FMNL1: variants seen among roughly 807,000 people sequenced by gnomAD.
FMNL1 encodes the protein formin like 1.
Under a neutral mutation model 121.3 loss-of-function variants are expected in FMNL1, and 43 were observed. The observed-to-expected ratio is 0.35, with a 90% CI of 0.28 to 0.46. FMNL1 has a LOEUF of 0.46. Among genes scored for constraint, FMNL1 ranks in the 20% least tolerant of loss-of-function variants. The probability of loss-of-function intolerance (pLI) is 1.00; values close to 1 mark genes in which losing one functional copy is unlikely to be tolerated. For missense variants in FMNL1, 1,191 were observed against 1,482.4 expected (o/e 0.80, Z 3.23); for synonymous variants, 613 against 613.5 (o/e 1.00, Z 0.01).
chr17:45,224,469 AC>A (rs1378041062), intron 1 of FMNL1, among the ~76,000 whole-genome samples: 9 of 152,076 alleles, frequency 5.9e-5, no homozygotes, highest in African/African-American at 2.2e-4. Context: ...GGAGGGGCCC[AC>A]CGCCATCAGT....
intron 11 of FMNL1, 162 bp downstream of exon 11, chr17:45,239,227 T>C: frequency 1.6e-6 from 1 of 623,224 alleles, no homozygotes; most frequent in Non-Finnish European, 2.9e-6. Flanking sequence ...TCTCTCTCAG[T>C]GTCAGTTTTG....
chr17:45,223,769 C>T (rs779633640), intron 1 of FMNL1, among the ~76,000 whole-genome samples: 6 of 152,236 alleles, frequency 3.9e-5, no homozygotes, highest in East Asian at 1.9e-4. Flanking sequence ...TCTGTCTTTC[C>T]GCCAAGTGTG....
chr17:45,239,735 C>G (rs1418384557), intron 11 of FMNL1, among the ~76,000 whole-genome samples: 2 of 151,924 alleles, frequency 1.3e-5, no homozygotes, highest in African/African-American at 2.4e-5. Context: ...CATGGTACAA[C>G]ATGGGTGAGC....
At chr17:45,227,641 C>T (rs1017396848) in intron 1 of FMNL1, among the ~76,000 whole-genome samples, 2 of 152,146 alleles carry the variant, frequency 1.3e-5, no homozygotes, top group Non-Finnish European at 2.9e-5. Context: ...CAAACTTCTG[C>T]TCACCCTACC....
In FMNL1 at chr17:45,242,091, G is replaced by T. The variant is rs1359782292; in HGVS notation, c.1830G>T (p.Pro610=). 9.9e-5 allele frequency: 146 copies of T among 1,471,314 alleles called. No homozygotes were observed. The highest frequency in any genetic ancestry group is 1.2e-4 in the Non-Finnish European group (132 of 1,111,728). The allele number at this position is 1,471,314 out of a possible 1,614,324, so 91.1% of individuals were successfully genotyped here. A position where few individuals can be genotyped will look rare whatever the true frequency, so the allele number is the denominator to read the frequency against. ...CTCCGCCGCCGCCGCCGCCGCCGCC[G>T]CCTCCCGGAGGTCCTCCTGATGCCC... ...PVPPPPPPPP[P]PPGGPPDALG... Residue 610 remains proline, a synonymous_variant, in exon 15 of 27, where the codon CCG becomes CCT. Transcript: ENST00000331495.
chr17:45,234,514 A>G, intron 6 of FMNL1: 1 of 362,620 alleles, frequency 2.8e-6, no homozygotes. Flanking sequence ...AAATACAAAA[A>G]TTAGCCGGGT....
At chr17:45,243,695 T>G in intron 17 of FMNL1, 96 bp from the exon 18 acceptor site, 1 of 1,196,190 alleles carries the variant, frequency 8.4e-7, no homozygotes, top group East Asian at 2.5e-5. Context: ...TAGAAAATAC[T>G]GAAATTCATT....
At position 45,243,820 on chromosome 17, in the gene FMNL1, T is replaced by G. The variant is rs781333055; in HGVS notation, c.2243T>G (p.Phe748Cys). The G allele has an allele frequency of 6.2e-7, 1 of 1,613,110 alleles. No homozygotes were observed. The highest frequency in any genetic ancestry group is 8.5e-7 in the Non-Finnish European group (1 of 1,179,390). ...AYDLQALGLD[F>C]LELLMRFLPT... ...GACCTGCAGGCTCTGGGCCTGGACT[T>G]CCTGGAGCTGCTGATGCGCTTCCTG... The change falls in exon 18 of 27, where the codon TTC becomes TGC. Residue 748 changes from phenylalanine (F) to cysteine (C), a missense_variant. Phe to Cys is a radical substitution (Grantham distance 205). Transcript: ENST00000331495.
Position 45,233,516 on chromosome 17 carries a change from C to A in FMNL1, c.402-132C>A. The A allele has an allele frequency of 8.9e-7, 1 of 1,123,556 alleles. No individual in the cohort carries two copies. Among genetic ancestry groups the A allele is most frequent in the Non-Finnish European group, 1.3e-6 (1 of 783,318 alleles). 69.6% of individuals were successfully genotyped at this position (1,123,556 alleles called of 1,614,324 possible). Reference sequence around the variant, plus strand: ...GGCTGTGGGACCCACCTGAGTCTCCCAGAATCCTTTGGTATCATTGGGTCT... The same window carrying A: ...GGCTGTGGGACCCACCTGAGTCTCCAAGAATCCTTTGGTATCATTGGGTCT... On this transcript the variant is annotated intron_variant, in intron 4 of 26. Transcript: ENST00000331495. The surrounding 1 kb of genome is among the most constrained non-coding windows in gnomAD (Gnocchi z 4.1).
intron 7 of FMNL1, among the ~76,000 whole-genome samples, chr17:45,236,902 A>G (rs2043562453): frequency 6.6e-6 from 1 of 152,244 alleles, no homozygotes; most frequent in Non-Finnish European, 1.5e-5. Context: ...ACCTGAGGTC[A>G]GGAGTTTGAG....
At position 45,222,142 on chromosome 17, in the gene FMNL1, C is replaced by T; in HGVS notation, c.18C>T (p.Gly6=). The change falls in exon 1 of 27, where the codon GGC becomes GGT. Residue 6 remains glycine, a synonymous_variant. Transcript: ENST00000331495. MGNAA[G]SAEQPAGPAA... ...GGACCACCATGGGCAACGCGGCCGG[C>T]AGCGCCGAGCAGCCCGCGGGCCCCG... is the stretch of plus-strand genomic sequence containing the variant. 1 of 1,184,670 alleles carries T rather than the reference C, an allele frequency of 8.4e-7. No individual in the cohort carries two copies. Among genetic ancestry groups the T allele is most frequent in the South Asian group, 3.7e-5 (1 of 26,692 alleles). The allele number at this position is 1,184,670 out of a possible 1,614,324, so 73.4% of individuals were successfully genotyped here. A position where few individuals can be genotyped will look rare whatever the true frequency, so the allele number is the denominator to read the frequency against.
chr17:45,238,857 C>T (rs1209952705), intron 10 of FMNL1, 98 bp from the exon 11 acceptor site: 2 of 1,155,860 alleles, frequency 1.7e-6, no homozygotes, highest in African/African-American at 3.0e-5. Flanking sequence ...GGAGTGAGAA[C>T]TGTGGAGAAG....
At position 45,247,116 on chromosome 17, in the gene FMNL1, CCA is replaced by C; in HGVS notation, c.*261_*262del. On this transcript the variant is annotated 3_prime_UTR_variant, in exon 27 of 27. Coordinates refer to ENST00000331495, the MANE Select transcript of FMNL1 (RefSeq NM_005892.4). ...ACGGGCTGGTGCATCCTCCTCTTGG[CCA>C]CAGAGGGCAGCATCGCCCGCCCCTT... 1.7e-6 allele frequency: 1 copy of C among 593,946 alleles called. No homozygotes were observed. The highest frequency in any genetic ancestry group is 2.8e-5 in the East Asian group (1 of 35,958). 36.8% of individuals were successfully genotyped at this position (593,946 alleles called of 1,614,324 possible). A position where few individuals can be genotyped will look rare whatever the true frequency, so the allele number is the denominator to read the frequency against.
chr17:45,241,864 G>C lies in FMNL1; in HGVS notation c.1603G>C (p.Glu535Gln), dbSNP rs1281404380. The change falls in exon 15 of 27, where the codon GAG becomes CAG. Residue 535 changes from glutamate to glutamine, a missense_variant. Around this residue, in one of 4 missense-constraint regions of FMNL1, gnomAD observed 519 missense variants for 492.8 expected, o/e 1.05. Transcript: ENST00000331495. This position sits in a 1 kb window ranked among gnomAD's most constrained non-coding sequence, Gnocchi z 7.0. ...TGGCTCAGATCTCGCACCTGCAGCA[G>C]AGCCGGCTCCCGGAGCAGCGCCACC... is the stretch of plus-strand genomic sequence containing the variant. Reference protein sequence around the residue: ...SPSPDLAPAAEPAPGAAPPPP... With the variant: ...SPSPDLAPAAQPAPGAAPPPP... 3.5e-6 allele frequency: 5 copies of C among 1,434,176 alleles called. No individual in the cohort carries two copies. Among genetic ancestry groups the C allele is most frequent in the Non-Finnish European group, 4.5e-6 (5 of 1,102,574 alleles). The allele number at this position is 1,434,176 out of a possible 1,614,324, so 88.8% of individuals were successfully genotyped here.
intron 1 of FMNL1, among the ~76,000 whole-genome samples, chr17:45,227,171 G>A (rs1239787648): frequency 6.6e-6 from 1 of 152,150 alleles, no homozygotes; most frequent in African/African-American, 2.4e-5. Context: ...CAAGTTCAGG[G>A]GTACCCTGGG....
rs2043436347 is a variant in FMNL1, at chr17:45,231,465, G to A, written c.213+778G>A. Reference sequence around the variant, plus strand: ...GGTAAGGGCTGGGAAGTGGGAAGAGGGTGGAGAGCTGCCCCTGGAGTCTCT... The same window carrying A: ...GGTAAGGGCTGGGAAGTGGGAAGAGAGTGGAGAGCTGCCCCTGGAGTCTCT... On this transcript the variant is annotated intron_variant, in intron 2 of 26. Coordinates refer to ENST00000331495, the MANE Select transcript of FMNL1 (RefSeq NM_005892.4). The surrounding 1 kb of genome is among the most constrained non-coding windows in gnomAD (Gnocchi z 4.7). 6.6e-6 allele frequency: 1 copy of A among 152,412 alleles called. No individual in the cohort carries two copies. The highest frequency in any genetic ancestry group is 1.5e-5 in the Non-Finnish European group (1 of 68,184). The allele number at this position is 152,412 out of a possible 1,614,324, so 9.4% of individuals were successfully genotyped here.
At chr17:45,227,094 G>C (rs2043344725) in intron 1 of FMNL1, among the ~76,000 whole-genome samples, 1 of 152,186 alleles carries the variant, frequency 6.6e-6, no homozygotes, top group East Asian at 1.9e-4. Flanking sequence ...TGGGGGACAG[G>C]CTCAGCTTCT....
Position 45,222,294 on chromosome 17 carries a change from C to T in FMNL1, c.129+41C>T, listed in dbSNP as rs7211840. The T allele has an allele frequency of 8.5e-5, 98 of 1,153,956 alleles. No homozygotes were observed. In the African/African-American group the frequency reaches 1.5e-3, roughly 18 times the overall value. The allele number at this position is 1,153,956 out of a possible 1,614,324, so 71.5% of individuals were successfully genotyped here. On this transcript the variant is annotated intron_variant, in intron 1 of 26. Coordinates refer to ENST00000331495, the MANE Select transcript of FMNL1 (RefSeq NM_005892.4). ...AGGCGGGTCGGGCGCGGGCGGGGGG[C>T]GGCAGGGGCGCGGCAGGGGCTGGGC...
rs550614169 is a variant in FMNL1, at chr17:45,230,623, C to G, written c.149C>G (p.Pro50Arg). The G allele has an allele frequency of 6.2e-7, 1 of 1,613,884 alleles. No homozygotes were observed. Among genetic ancestry groups the G allele is most frequent in the South Asian group, 1.1e-5 (1 of 91,066 alleles). ...NRALNCMNLP[P>R]DKVQLLSQYD... is the part of the protein sequence containing the mutation. ...CCCCAGAACTGCATGAACTTGCCCC[C>G]AGACAAGGTCCAGCTGCTGAGCCAG... is the stretch of plus-strand genomic sequence containing the variant. Residue 50 changes from proline to arginine, a missense_variant, in exon 2 of 27, where the codon CCA becomes CGA. By Grantham distance (103) the Pro-to-Arg change is moderately radical. Around this residue, in one of 4 missense-constraint regions of FMNL1, gnomAD observed 253 missense variants for 417.5 expected, o/e 0.61. Transcript: ENST00000331495.
Sources: allele counts gnomAD v4.1 joint callset (sites outside exome capture counted in the v4.1 genomes callset), GRCh38; gene constraint gnomAD v4.1.1; regional missense constraint gnomAD v4.1.1; non-coding constraint Gnocchi (gnomAD v3.1); transcripts MANE v1.5; gene names NCBI Gene and HGNC (gene_info 2026-07-23, HGNC 2026-07-21).